SI: variants seen among roughly 807,000 people sequenced by gnomAD.
The protein encoded by SI is sucrase-isomaltase, intestinal.
Under a neutral mutation model 253.3 loss-of-function variants are expected in SI, and 235 were observed. The ratio of observed to expected loss-of-function variants is 0.93; its 90% CI spans 0.83 to 1.03. The LOEUF is 1.03. SI is among the 50% of genes least tolerant of loss of function. SI has a pLI of 0.00. For missense variants in SI, 2,442 were observed against 2,211.1 expected (o/e 1.10, Z -2.09); for synonymous variants, 819 against 712.0 (o/e 1.15, Z -2.39).
At chr3:165,045,680 CTTTT>C (rs947791047) in intron 16 of SI, among the ~76,000 whole-genome samples, 3 of 151,324 alleles carry the variant, frequency 2.0e-5, no homozygotes, top group African/African-American at 4.9e-5. Context: ...GCGTTTCTTT[CTTTT>C]TAAGTATTTA....
intron 34 of SI, among the ~76,000 whole-genome samples, chr3:165,009,906 A>G (rs1718695969): frequency 2.0e-5 from 3 of 152,146 alleles, no homozygotes; most frequent in East Asian, 1.9e-4. Flanking sequence ...CTCTACTAAG[A>G]ATATTCCCTA....
chr3:165,052,131 T>C (rs1255373807), intron 13 of SI, among the ~76,000 whole-genome samples: 1 of 152,124 alleles, frequency 6.6e-6, no homozygotes, highest in Non-Finnish European at 1.5e-5. Context: ...TTAAACTTAC[T>C]ACCCATATTT....
intron 10 of SI, among the ~76,000 whole-genome samples, chr3:165,059,573 T>G (rs1398437577): frequency 6.6e-6 from 1 of 151,872 alleles, no homozygotes; most frequent in Non-Finnish European, 1.5e-5. Flanking sequence ...CATACAAAAA[T>G]CAAAAATACA....
rs1714959180 is a variant in SI, at chr3:165,076,141, A to G, written c.1-129T>C. ...ATGCAGAGTTGAAGACAGCACTTAC[A>G]TAATATCCTAAATTAAGCACTTACT... On this transcript the variant is annotated intron_variant, in intron 1 of 47. Coordinates refer to ENST00000264382, the MANE Select transcript of SI (RefSeq NM_001041.4). 5.0e-6 allele frequency: 3 copies of G among 602,722 alleles called. No homozygotes were observed. In the East Asian group the frequency reaches 1.0e-4, roughly 20 times the overall value. 37.3% of individuals were successfully genotyped at this position (602,722 alleles called of 1,614,324 possible).
At chr3:165,073,696 C>CA (rs1418827472) in intron 3 of SI, among the ~76,000 whole-genome samples, 2 of 151,370 alleles carry the variant, frequency 1.3e-5, no homozygotes, top group African/African-American at 4.9e-5. Flanking sequence ...AACTGTGGAT[C>CA]AAAAATATTT....
At chr3:165,010,059 T>C (rs1367999918) in intron 34 of SI, among the ~76,000 whole-genome samples, 1 of 152,198 alleles carries the variant, frequency 6.6e-6, no homozygotes, top group Non-Finnish European at 1.5e-5. Context: ...TAAGATTCTG[T>C]TGTAACGGCC....
At chr3:165,003,523 C>G (rs974965662) in intron 37 of SI, among the ~76,000 whole-genome samples, 1 of 151,980 alleles carries the variant, frequency 6.6e-6, no homozygotes, top group Non-Finnish European at 1.5e-5. Flanking sequence ...AGTTTTTGGT[C>G]ATACATTCAT....
intron 22 of SI, among the ~76,000 whole-genome samples, chr3:165,034,400 A>C: frequency 6.6e-6 from 1 of 151,984 alleles, no homozygotes; most frequent in East Asian, 1.9e-4. Flanking sequence ...TAATAGGAAT[A>C]ATCTTATAAT....
At chr3:165,068,136 G>A (rs956852808) in intron 5 of SI, among the ~76,000 whole-genome samples, 1 of 151,444 alleles carries the variant, frequency 6.6e-6, no homozygotes, top group African/African-American at 2.4e-5. Flanking sequence ...GCATGTATAC[G>A]ACACTAACAC....
intron 16 of SI, among the ~76,000 whole-genome samples, chr3:165,045,495 GATCT>G (rs1351011480): frequency 6.6e-6 from 1 of 151,554 alleles, no homozygotes; most frequent in Non-Finnish European, 1.5e-5. Context: ...GCTATAAATT[GATCT>G]ATTTTATTAA....
At chr3:165,035,775 A>G (rs1040020607) in intron 22 of SI, among the ~76,000 whole-genome samples, 4 of 151,712 alleles carry the variant, frequency 2.6e-5, no homozygotes, top group African/African-American at 7.2e-5. Flanking sequence ...CTAAAAATGT[A>G]TAAGGAAAAT....
chr3:165,006,994 G>A (rs1165465862), intron 36 of SI, 40 bp from the exon 37 acceptor site: 5 of 1,408,546 alleles, frequency 3.5e-6, no homozygotes, highest in Middle Eastern at 2.2e-4. Context: ...ATATTATACA[G>A]TGCCCTACAA....
chr3:165,065,464 A>AATATATATATAT lies in SI; in HGVS notation c.636-44_636-33dup, dbSNP rs66946322. 1.7e-3 allele frequency: 358 copies of AATATATATATAT among 209,508 alleles called. 18 individuals are homozygous for AATATATATATAT. The highest frequency in any genetic ancestry group is 5.0e-3 in the African/African-American group (118 of 23,602). The allele number at this position is 209,508 out of a possible 1,614,324, so 13.0% of individuals were successfully genotyped here. ...CATAAAAGAAATAAAGAAATAATCTAATATATATATATATATATATATATA... is the reference window on the plus strand; with the variant it reads ...CATAAAAGAAATAAAGAAATAATCTAATATATATATATATATATATATATATATATATATATA... On this transcript the variant is annotated intron_variant, in intron 6 of 47. Transcript: ENST00000264382.
At chr3:165,055,695 C>A (rs986233939) in intron 12 of SI, among the ~76,000 whole-genome samples, 1 of 151,926 alleles carries the variant, frequency 6.6e-6, no homozygotes, top group African/African-American at 2.4e-5. Flanking sequence ...TGCCTCCAAG[C>A]AATTTTAAAA....
At chr3:165,008,850 A>G (rs1195694114) in intron 35 of SI, among the ~76,000 whole-genome samples, 3 of 151,854 alleles carry the variant, frequency 2.0e-5, no homozygotes, top group Non-Finnish European at 4.4e-5. Flanking sequence ...CTAAAAAAAT[A>G]TATTATTAAA....
chr3:165,041,135 T>C, intron 17 of SI, 41 bp from the exon 18 acceptor site: 1 of 1,586,064 alleles, frequency 6.3e-7, no homozygotes, highest in East Asian at 2.2e-5. Context: ...AAAGCTAAAG[T>C]ATGAGTGAAA....
intron 16 of SI, among the ~76,000 whole-genome samples, chr3:165,045,848 ATTTTTTTT>A (rs74590097): frequency 8.3e-6 from 1 of 120,812 alleles, no homozygotes; most frequent in African/African-American, 3.1e-5. Context: ...ATGTTTTTCA[ATTTTTTTT>A]TTTTTTTTTT....
At chr3:165,027,776 C>G (rs960046596) in intron 25 of SI, among the ~76,000 whole-genome samples, 1 of 150,046 alleles carries the variant, frequency 6.7e-6, no homozygotes, top group Non-Finnish European at 1.5e-5. Flanking sequence ...AATCGGCAAA[C>G]AAGGGACATA....
At chr3:165,029,205 A>G (rs1045074073) in intron 25 of SI, among the ~76,000 whole-genome samples, 2 of 151,494 alleles carry the variant, frequency 1.3e-5, no homozygotes, top group African/African-American at 4.8e-5. Flanking sequence ...ATGATCAGGT[A>G]AATGCAAATT....
Sources: allele counts gnomAD v4.1 joint callset (sites outside exome capture counted in the v4.1 genomes callset), GRCh38; gene constraint gnomAD v4.1.1; transcripts MANE v1.5; gene names NCBI Gene and HGNC (gene_info 2026-07-23, HGNC 2026-07-21).